Variants in ECE1 observed in about 807,000 individuals in gnomAD.
The protein encoded by ECE1 is endothelin converting enzyme 1.
Under a neutral mutation model 98.6 loss-of-function variants are expected in ECE1, and 35 were observed. The ratio of observed to expected loss-of-function variants is 0.35; its 90% CI spans 0.27 to 0.47. The LOEUF (loss-of-function observed/expected upper bound fraction) is 0.47. ECE1 is among the 20% of genes least tolerant of loss of function. ECE1 has a pLI of 1.00. For missense variants in ECE1, 814 were observed against 1,025.3 expected (o/e 0.79, Z 2.81); for synonymous variants, 394 against 407.1 (o/e 0.97, Z 0.39).
chr1:21,231,449 C>T (rs1483042247), intron 14 of ECE1, among the ~76,000 whole-genome samples: 5 of 151,644 alleles, frequency 3.3e-5, no homozygotes, highest in Admixed American at 3.3e-4. Context: ...TCAAGCGATT[C>T]TCCTGCCTCA....
chr1:21,223,124 G>A (rs1186362304), intron 17 of ECE1, among the ~76,000 whole-genome samples: 1 of 151,354 alleles, frequency 6.6e-6, no homozygotes, highest in East Asian at 2.0e-4. Flanking sequence ...ACAGATGCAC[G>A]CCACCATGCC....
rs2098186357 is a variant in ECE1, at chr1:21,235,082, G to A, written c.1566+768C>T. On this transcript the variant is annotated intron_variant, in intron 13 of 18. Transcript: ENST00000374893. The surrounding 1 kb of genome is among the most constrained non-coding windows in gnomAD (Gnocchi z 4.2). Reference sequence around the variant, plus strand: ...ATGAATATGAGCCAGCCTGGGAGGCGGAGGTTGCAGTGAGCTGAGATAGCA... The same window carrying A: ...ATGAATATGAGCCAGCCTGGGAGGCAGAGGTTGCAGTGAGCTGAGATAGCA... 6.6e-6 allele frequency among the ~76,000 whole-genome samples: 1 copy of A among 152,112 alleles called. No homozygotes were observed. The highest frequency in any genetic ancestry group is 2.4e-5 in the African/African-American group (1 of 41,426).
rs1372994372 is a variant in ECE1, at chr1:21,233,648, G to A, written c.1580C>T (p.Pro527Leu). 1 of 1,613,936 alleles carries A rather than the reference G, an allele frequency of 6.2e-7. No homozygotes were observed. The highest frequency in any genetic ancestry group is 1.7e-5 in the Admixed American group (1 of 60,016). Residue 527 changes from proline to leucine, a missense_variant, in exon 14 of 19, where the codon CCA becomes CTA. Coordinates refer to ENST00000374893, the MANE Select transcript of ECE1 (RefSeq NM_001397.3). This position sits in a 1 kb window ranked among gnomAD's most constrained non-coding sequence, Gnocchi z 4.0. ...DKVFNDYTAVPDLYFENAMRF... is the reference protein window; with the variant it reads ...DKVFNDYTAVLDLYFENAMRF... Reference sequence around the variant, plus strand: ...CATGGCATTTTCAAAGTAGAGGTCTGGAACTGCAGTGTACTAGAAAAGAAG... The same window carrying A: ...CATGGCATTTTCAAAGTAGAGGTCTAGAACTGCAGTGTACTAGAAAAGAAG...
chr1:21,257,059 G>A (rs752847191), intron 7 of ECE1, among the ~76,000 whole-genome samples: 4 of 152,142 alleles, frequency 2.6e-5, no homozygotes, highest in South Asian at 2.1e-4. Flanking sequence ...TTCGGAGCAC[G>A]TGGATCCGGA....
intron 1 of ECE1, among the ~76,000 whole-genome samples, chr1:21,343,035 G>A (rs1175442525): frequency 1.3e-5 from 2 of 152,152 alleles, no homozygotes. Context: ...CCTGTCCTGT[G>A]CACTCACACC....
intron 9 of ECE1, 25 bp downstream of exon 9, chr1:21,247,196 C>T (rs1479081944): frequency 1.9e-6 from 3 of 1,613,936 alleles, no homozygotes; most frequent in African/African-American, 1.3e-5. Context: ...AGAGGCGTGC[C>T]CCAGGCCACT....
At chr1:21,287,619 G>A (rs2098262070) in intron 2 of ECE1, among the ~76,000 whole-genome samples, 1 of 152,160 alleles carries the variant, frequency 6.6e-6, no homozygotes, top group African/African-American at 2.4e-5. Context: ...AGCTAAAAAT[G>A]GGTCACCCAC....
Position 21,235,911 on chromosome 1 carries a change from T to C in ECE1, c.1505A>G (p.Asn502Ser), listed in dbSNP as rs2098187380. The C allele has an allele frequency of 6.2e-7, 1 of 1,614,100 alleles. No individual in the cohort carries two copies. The highest frequency in any genetic ancestry group is 8.5e-7 in the Non-Finnish European group (1 of 1,180,026). The change falls in exon 13 of 19, where the codon AAC (asparagine) becomes AGC (serine). Residue 502 changes from asparagine (N) to serine (S), a missense_variant. By Grantham distance (46) the Asn-to-Ser change is conservative. This residue lies in a region of ECE1 where 452 missense variants were observed against 567.3 expected (regional missense o/e 0.80). Coordinates refer to ENST00000374893, the MANE Select transcript of ECE1 (RefSeq NM_001397.3). The surrounding 1 kb of genome is among the most constrained non-coding windows in gnomAD (Gnocchi z 4.2). ...GATGAAGTTGGGGTATCCTATCATG[T>C]TGTAGATGGCATCGGCCTGGACAGG... ...SAKEKADAIY[N>S]MIGYPNFIMD...
chr1:21,289,776 G>A (rs2098264409), intron 2 of ECE1, among the ~76,000 whole-genome samples: 1 of 152,126 alleles, frequency 6.6e-6, no homozygotes, highest in Admixed American at 6.5e-5. Context: ...AACTGGACCA[G>A]TTCGGGTCTC....
At position 21,290,357 on chromosome 1, in the gene ECE1, G is replaced by A. The variant is rs2098265399; in HGVS notation, c.51+7C>T. 3 of 1,130,728 alleles carry A rather than the reference G, an allele frequency of 2.7e-6. No individual in the cohort carries two copies. Among genetic ancestry groups the A allele is most frequent in the Non-Finnish European group, 3.2e-6 (3 of 927,852 alleles). 70.0% of individuals were successfully genotyped at this position (1,130,728 alleles called of 1,614,324 possible). Reference sequence around the variant, plus strand: ...CGCCCCCGCCCTCCAGGCCGCGCCCGCCTCACCCCCAGCGCCGACAGCAGG... The same window carrying A: ...CGCCCCCGCCCTCCAGGCCGCGCCCACCTCACCCCCAGCGCCGACAGCAGG... On this transcript the variant is annotated splice_region_variant and intron_variant, in intron 1 of 18. Transcript: ENST00000374893. This position sits in a 1 kb window ranked among gnomAD's most constrained non-coding sequence, Gnocchi z 7.3.
intron 8 of ECE1, among the ~76,000 whole-genome samples, chr1:21,252,919 G>T (rs1390757803): frequency 6.6e-6 from 1 of 152,164 alleles, no homozygotes; most frequent in Non-Finnish European, 1.5e-5. Context: ...GTGCAAATGA[G>T]TTTACTGAAT....
chr1:21,230,889 A>G (rs996611873), intron 14 of ECE1, among the ~76,000 whole-genome samples: 2 of 151,978 alleles, frequency 1.3e-5, no homozygotes, highest in Admixed American at 6.6e-5. Context: ...TGGCAATGGC[A>G]CCATCTTGGA....
At chr1:21,237,041 C>A (rs1280886310) in intron 11 of ECE1, among the ~76,000 whole-genome samples, 197 bp from the exon 12 acceptor site, 1 of 152,122 alleles carries the variant, frequency 6.6e-6, no homozygotes, top group Non-Finnish European at 1.5e-5. Context: ...GACTGGCCTT[C>A]CACACACAGG....
Position 21,327,623 on chromosome 1 carries a change from G to T in ECE1, c.3+17753C>A, listed in dbSNP as rs1397709648. On this transcript the variant is annotated intron_variant, in intron 1 of 18. Transcript: ENST00000415912. The surrounding 1 kb of genome is among the most constrained non-coding windows in gnomAD (Gnocchi z 4.6). ...GGCACAAATGGAGTCTTTTGGTATAGAGGAAAATAAAGCCTCACCTGGTCT... is the reference window on the plus strand; with the variant it reads ...GGCACAAATGGAGTCTTTTGGTATATAGGAAAATAAAGCCTCACCTGGTCT... Among the ~76,000 whole-genome samples the T allele has an allele frequency of 1.3e-5, 2 of 152,144 alleles. No individual in the cohort carries two copies. Among genetic ancestry groups the T allele is most frequent in the African/African-American group, 4.8e-5 (2 of 41,426 alleles).
chr1:21,262,375 G>A (rs1451806094), intron 4 of ECE1, among the ~76,000 whole-genome samples: 3 of 152,200 alleles, frequency 2.0e-5, no homozygotes, highest in African/African-American at 4.8e-5. Flanking sequence ...AGAAGATCAG[G>A]GAGAGCAAAA....
chr1:21,279,139 G>A (rs1200648807), intron 3 of ECE1, 52 bp downstream of exon 3: 7 of 1,613,710 alleles, frequency 4.3e-6, no homozygotes, highest in African/African-American at 4.0e-5. Context: ...CGAGCTGACG[G>A]AGCCGGGTGC....
chr1:21,232,870 G>A (rs35182659), intron 14 of ECE1, among the ~76,000 whole-genome samples: 1 of 151,962 alleles, frequency 6.6e-6, no homozygotes, highest in Non-Finnish European at 1.5e-5. Context: ...TAGAGACAGG[G>A]TTTTGCCATG....
intron 14 of ECE1, among the ~76,000 whole-genome samples, chr1:21,228,573 G>A (rs772575882): frequency 1.3e-5 from 2 of 151,912 alleles, no homozygotes; most frequent in Admixed American, 1.3e-4. Flanking sequence ...ATTACTTGAG[G>A]CCAGGAGTTC....
rs972815267 is a variant in ECE1 at position 21,218,335 on chromosome 1, C to T, written c.*1620G>A. The T allele has an allele frequency of 6.6e-6, 1 of 152,458 alleles. No individual in the cohort carries two copies. Among genetic ancestry groups the T allele is most frequent in the South Asian group, 2.1e-4 (1 of 4,832 alleles). 9.4% of individuals were successfully genotyped at this position (152,458 alleles called of 1,614,324 possible). A position where few individuals can be genotyped will look rare whatever the true frequency, so the allele number is the denominator to read the frequency against. On this transcript the variant is annotated 3_prime_UTR_variant, in exon 19 of 19. Transcript: ENST00000374893. This position sits in a 1 kb window ranked among gnomAD's most constrained non-coding sequence, Gnocchi z 4.0. ...CTGCCGGCCAGAGCTCCTGGGCTCC[C>T]GTGGAGGTTAGCCCTGCAGGCACCG... is the stretch of plus-strand genomic sequence containing the variant.
Sources: allele counts gnomAD v4.1 joint callset (sites outside exome capture counted in the v4.1 genomes callset), GRCh38; gene constraint gnomAD v4.1.1; regional missense constraint gnomAD v4.1.1; non-coding constraint Gnocchi (gnomAD v3.1); transcripts MANE v1.5; gene names NCBI Gene and HGNC (gene_info 2026-07-23, HGNC 2026-07-21).